Variants in OR4N5 observed in about 807,000 individuals in gnomAD.
The protein encoded by OR4N5 is olfactory receptor 4N5.
For synonymous variants in OR4N5, 155 were observed against 140.6 expected (o/e 1.10, Z -0.72); for missense variants, 428 against 370.0 (o/e 1.16, Z -1.29).
Position 20,144,138 on chromosome 14 carries a change from A to G in OR4N5, c.403A>G (p.Ile135Val), listed in dbSNP as rs1878679714. 2.5e-6 allele frequency: 4 copies of G among 1,614,032 alleles called. No homozygotes were observed. Among genetic ancestry groups the G allele is most frequent in the African/African-American group, 1.3e-5 (1 of 75,030 alleles). ...CTGCCGGCCTTTACACTATTCAACC[A>G]TCATGAACCCTAGAGCCTGCTATGC... ...AICRPLHYST[I>V]MNPRACYALS... Residue 135 changes from isoleucine (I) to valine (V), a missense_variant, in exon 3 of 3, where the codon ATC (isoleucine) becomes GTC (valine). Coordinates refer to ENST00000641086, the MANE Select transcript of OR4N5 (RefSeq NM_001004724.2).
chr14:20,139,984 G>T (rs1878584594), intron 1 of OR4N5, among the ~76,000 whole-genome samples: 1 of 152,112 alleles, frequency 6.6e-6, no homozygotes, highest in African/African-American at 2.4e-5. Flanking sequence ...GAGTGATTCA[G>T]ACTCAGTAAA....
At chr14:20,141,691 A>C (rs1363073210) in intron 2 of OR4N5, among the ~76,000 whole-genome samples, 1 of 152,124 alleles carries the variant, frequency 6.6e-6, no homozygotes, top group African/African-American at 2.4e-5. Context: ...AATTTCAATT[A>C]AGAATTTATC....
chr14:20,141,242 A>G (rs1444590315), intron 2 of OR4N5, 31 bp downstream of exon 2: 1 of 152,154 alleles, frequency 6.6e-6, no homozygotes, highest in Non-Finnish European at 1.5e-5. Context: ...TTCTGACTTA[A>G]GTTCTTAAGA....
Position 20,143,894 on chromosome 14 carries a change from T to G in OR4N5, c.159T>G (p.Pro53=). 6.2e-7 allele frequency: 1 copy of G among 1,614,102 alleles called. No individual in the cohort carries two copies. The highest frequency in any genetic ancestry group is 1.1e-5 in the South Asian group (1 of 91,084). The change falls in exon 3 of 3, where the codon CCT becomes CCG. Residue 53 remains proline (P), a synonymous_variant. Coordinates refer to ENST00000641086, the MANE Select transcript of OR4N5 (RefSeq NM_001004724.2). ...FLIIFTIKSD[P]GLTAPLYFFL... is the part of the protein sequence containing the mutation. The stretch of plus-strand genomic sequence containing the variant: ...TCATTTTCACCATAAAGTCAGACCC[T>G]GGGCTCACAGCCCCCCTCTATTTCT...
chr14:20,145,422 A>G lies in OR4N5; in HGVS notation c.*760A>G, dbSNP rs1198343971. ...TGAGTAGTAAAATATCATTAAGTGG[A>G]AAGTGCGTGCTGCTAAGTATTTTTT... On this transcript the variant is annotated 3_prime_UTR_variant, in exon 3 of 3. Coordinates refer to ENST00000641086, the MANE Select transcript of OR4N5 (RefSeq NM_001004724.2). The G allele has an allele frequency of 6.6e-6, 1 of 152,180 alleles. No homozygotes were observed. Among genetic ancestry groups the G allele is most frequent in the Non-Finnish European group, 1.5e-5 (1 of 68,022 alleles). 9.4% of individuals were successfully genotyped at this position (152,180 alleles called of 1,614,324 possible).
chr14:20,143,059 G>C (rs1878649453), intron 2 of OR4N5, among the ~76,000 whole-genome samples: 1 of 152,210 alleles, frequency 6.6e-6, no homozygotes, highest in African/African-American at 2.4e-5. Flanking sequence ...TTGTAGAGCA[G>C]ATTCAGAGTG....
In OR4N5 at chr14:20,144,359, C is replaced by A. The variant is rs1878688789; in HGVS notation, c.624C>A (p.Leu208=). The change falls in exon 3 of 3, where the codon CTC becomes CTA. Residue 208 remains leucine, a synonymous_variant. Transcript: ENST00000641086. ...TCTCCAACAGTGGCCTGCTCAGCCT[C>A]CTGTGCTTCCTGGGCCTTCTGGCCT... ...LMVSNSGLLS[L]LCFLGLLASY... The A allele has an allele frequency of 6.2e-7, 1 of 1,613,922 alleles. No homozygotes were observed. Among genetic ancestry groups the A allele is most frequent in the Non-Finnish European group, 8.5e-7 (1 of 1,179,990 alleles).
In OR4N5 at chr14:20,144,186, G is replaced by A; in HGVS notation, c.451G>A (p.Gly151Arg). ...TGCATTATCGTTGGTTCTGTGGCTT[G>A]GGGGCTTTATCCATTCCATTGTACA... ...CYALSLVLWL[G>R]GFIHSIVQVA... The change falls in exon 3 of 3, where the codon GGG becomes AGG. Residue 151 changes from glycine (G) to arginine (R), a missense_variant. Gly to Arg is a moderately radical substitution (Grantham distance 125, BLOSUM62 -2). Coordinates refer to ENST00000641086, the MANE Select transcript of OR4N5 (RefSeq NM_001004724.2). 1.2e-6 allele frequency: 2 copies of A among 1,613,446 alleles called. No individual in the cohort carries two copies. The highest frequency in any genetic ancestry group is 1.7e-6 in the Non-Finnish European group (2 of 1,179,900).
At position 20,144,228 on chromosome 14, in the gene OR4N5, C is replaced by T. The variant is rs1284549299; in HGVS notation, c.493C>T (p.His165Tyr). 7 of 1,614,122 alleles carry T rather than the reference C, an allele frequency of 4.3e-6. No homozygotes were observed. The South Asian group carries it at 6.6e-5, about 15-fold the overall frequency. Residue 165 changes from histidine (H) to tyrosine (Y), a missense_variant, in exon 3 of 3, where the codon CAC becomes TAC. Physicochemically the swap from His to Tyr is moderately conservative, Grantham distance 83. Transcript: ENST00000641086. ...CATTGTACAAGTAGCCCTTATCCTG[C>T]ACTTGCCTTTCTGTGGCCCAAACCA... The part of the protein sequence containing the change: ...HSIVQVALIL[H>Y]LPFCGPNQLD...
At chr14:20,142,017 T>A (rs1878624089) in intron 2 of OR4N5, among the ~76,000 whole-genome samples, 1 of 152,198 alleles carries the variant, frequency 6.6e-6, no homozygotes, top group Non-Finnish European at 1.5e-5. Flanking sequence ...ATCTTTGAAA[T>A]CATTCATTGC....
Position 20,144,485 on chromosome 14 carries a change from G to A in OR4N5, c.750G>A (p.Met250Ile). 2 of 1,613,774 alleles carry A rather than the reference G, an allele frequency of 1.2e-6. No homozygotes were observed. Among genetic ancestry groups the A allele is most frequent in the Non-Finnish European group, 1.7e-6 (2 of 1,179,886 alleles). Reference protein sequence around the residue: ...CTTHIIIIFLMFGPAIFIYTC... With the variant: ...CTTHIIIIFLIFGPAIFIYTC... The stretch of plus-strand genomic sequence containing the variant: ...CCCATATTATCATTATATTTCTCAT[G>A]TTTGGACCTGCTATTTTCATCTACA... Residue 250 changes from methionine to isoleucine, a missense_variant, in exon 3 of 3, where the codon ATG becomes ATA. Transcript: ENST00000641086.
At chr14:20,139,255 G>T (rs1159878704) in intron 1 of OR4N5, among the ~76,000 whole-genome samples, 1 of 152,066 alleles carries the variant, frequency 6.6e-6, no homozygotes, top group East Asian at 1.9e-4. Context: ...CAAAGGTAAA[G>T]GGAGGAAGAG....
intron 2 of OR4N5, among the ~76,000 whole-genome samples, chr14:20,142,319 TG>T (rs1052539753): frequency 6.6e-6 from 1 of 152,022 alleles, no homozygotes; most frequent in Non-Finnish European, 1.5e-5. Flanking sequence ...TTAGTAGAGA[TG>T]GGGTTTCACC....
chr14:20,140,606 G>A (rs538848730), intron 1 of OR4N5, among the ~76,000 whole-genome samples: 2 of 152,320 alleles, frequency 1.3e-5, no homozygotes, highest in African/African-American at 2.4e-5. Flanking sequence ...CTGCAGTCTG[G>A]AAGCTGTTGT....
In OR4N5 at chr14:20,144,128, C is replaced by T; in HGVS notation, c.393C>T (p.His131=). ...DRYIAICRPL[H]YSTIMNPRAC... ...ACATCGCCATCTGCCGGCCTTTACA[C>T]TATTCAACCATCATGAACCCTAGAG... Residue 131 remains histidine (H), a synonymous_variant, in exon 3 of 3, where the codon CAC becomes CAT. Coordinates refer to ENST00000641086, the MANE Select transcript of OR4N5 (RefSeq NM_001004724.2). The T allele has an allele frequency of 6.2e-7, 1 of 1,614,144 alleles. No homozygotes were observed. Among genetic ancestry groups the T allele is most frequent in the Non-Finnish European group, 8.5e-7 (1 of 1,179,996 alleles).
chr14:20,143,150 G>C (rs1878651117), intron 2 of OR4N5, among the ~76,000 whole-genome samples: 2 of 152,188 alleles, frequency 1.3e-5, no homozygotes, highest in South Asian at 4.1e-4. Flanking sequence ...TTGGTGATCA[G>C]TTTGAAGTAA....
intron 1 of OR4N5, 84 bp from the exon 2 acceptor site, chr14:20,140,759 A>G (rs201244848): frequency 6.6e-6 from 1 of 152,156 alleles, no homozygotes; most frequent in East Asian, 1.9e-4. Flanking sequence ...TGTTGAAATA[A>G]TAAGGAAGGT....
At chr14:20,143,034 G>C (rs1236828628) in intron 2 of OR4N5, among the ~76,000 whole-genome samples, 1 of 152,184 alleles carries the variant, frequency 6.6e-6, no homozygotes, top group Non-Finnish European at 1.5e-5. Flanking sequence ...GTATTAACTA[G>C]AACTTAAGAA....
In OR4N5 at chr14:20,144,258, G is replaced by C. The variant is rs764860630; in HGVS notation, c.523G>C (p.Asp175His). Reference protein sequence around the residue: ...HLPFCGPNQLDNFFCDVPQVI... With the variant: ...HLPFCGPNQLHNFFCDVPQVI... ...GCCTTTCTGTGGCCCAAACCAGCTCGATAACTTCTTCTGTGATGTTCCACA... is the reference window on the plus strand; with the variant it reads ...GCCTTTCTGTGGCCCAAACCAGCTCCATAACTTCTTCTGTGATGTTCCACA... Residue 175 changes from aspartate (D) to histidine (H), a missense_variant, in exon 3 of 3, where the codon GAT (aspartate) becomes CAT (histidine). Transcript: ENST00000641086. 2 of 1,614,018 alleles carry C rather than the reference G, an allele frequency of 1.2e-6. No individual in the cohort carries two copies. Among genetic ancestry groups the C allele is most frequent in the Non-Finnish European group, 1.7e-6 (2 of 1,179,994 alleles).
Sources: allele counts gnomAD v4.1 joint callset (sites outside exome capture counted in the v4.1 genomes callset), GRCh38; gene constraint gnomAD v4.1.1; transcripts MANE v1.5; gene names NCBI Gene and HGNC (gene_info 2026-07-23, HGNC 2026-07-21).